Variants in FAM163B observed in about 807,000 individuals in gnomAD.
FAM163B encodes the protein family with sequence similarity 163 member B, also known as protein FAM163B.
In FAM163B, 4 loss-of-function variants were observed where a neutral mutation model predicts 7.6. The ratio of observed to expected loss-of-function variants is 0.52; its 90% confidence interval spans 0.26 to 1.20. FAM163B has a LOEUF of 1.20. Ranked by LOEUF, FAM163B falls within the 50% of genes most tolerant of loss-of-function variation. The pLI, the probability that FAM163B is intolerant of heterozygous loss-of-function variation, is 0.14. For missense variants in FAM163B, 250 were observed against 243.0 expected, an observed-to-expected ratio of 1.03 and a Z score of -0.19; for synonymous variants, 120 against 111.6, an observed-to-expected ratio of 1.07 and a Z score of -0.47.
intron 1 of FAM163B, among the ~76,000 whole-genome samples, chr9:133,594,713 T>TC (rs1831605433): frequency 6.6e-6 from 1 of 152,112 alleles, no homozygotes; most frequent in African/African-American, 2.4e-5. Context: ...ACTGGTGATT[T>TC]CGGGAGTGCA....
At position 133,603,008 on chromosome 9, in the gene FAM163B, A is replaced by AG. The variant is rs1406304675; in HGVS notation, c.-24+6068dup. ...CTGAGTCTGCTGGACTCCAGGGCGG[A>AG]GGGGGGGCCAGCCCAAGAGGTTGGC... On this transcript the variant is annotated intron_variant, in intron 1 of 2. Coordinates refer to ENST00000673969, the MANE Select transcript of FAM163B (RefSeq NM_001080515.3). Among the ~76,000 whole-genome samples, 13 of 152,182 alleles carry AG rather than the reference A, an allele frequency of 8.5e-5. No individual in the cohort carries two copies. The South Asian group carries it at 1.7e-3, about 19-fold the overall frequency.
intron 1 of FAM163B, among the ~76,000 whole-genome samples, chr9:133,607,605 G>A (rs961201590): frequency 3.9e-5 from 6 of 152,162 alleles, no homozygotes; most frequent in African/African-American, 1.4e-4. Flanking sequence ...CAGATCCTTC[G>A]GGAGCCATTT....
Position 133,601,644 on chromosome 9 carries a change from C to T in FAM163B, c.-24+7433G>A, listed in dbSNP as rs569383640. 3.9e-5 allele frequency among the ~76,000 whole-genome samples: 6 copies of T among 152,342 alleles called. No individual in the cohort carries two copies. The highest frequency in any genetic ancestry group is 8.8e-5 in the Non-Finnish European group (6 of 68,034). ...CCCATTTCTGGAACACTGCAAGTCC[C>T]TTCTTCCCTGAGGATGTTTTGCTGG... On this transcript the variant is annotated intron_variant, in intron 1 of 2. Transcript: ENST00000673969. The surrounding 1 kb of genome is among the most constrained non-coding windows in gnomAD (Gnocchi z 4.1).
At chr9:133,583,624 G>T (rs1307419727) in intron 1 of FAM163B, among the ~76,000 whole-genome samples, 1 of 152,160 alleles carries the variant, frequency 6.6e-6, no homozygotes, top group Non-Finnish European at 1.5e-5. Context: ...CCCGCTCGCC[G>T]CAAAGCTCTC....
chr9:133,606,784 G>A lies in FAM163B; in HGVS notation c.-24+2293C>T, dbSNP rs1293207186. 6.6e-6 allele frequency among the ~76,000 whole-genome samples: 1 copy of A among 152,188 alleles called. No individual in the cohort carries two copies. Reference sequence around the variant, plus strand: ...TCCCCTCCTGCCCCGAGAGTTTAGAGTCAGAGGTAATTGACTGAGATGTAA... The same window carrying A: ...TCCCCTCCTGCCCCGAGAGTTTAGAATCAGAGGTAATTGACTGAGATGTAA... On this transcript the variant is annotated intron_variant, in intron 1 of 2. Transcript: ENST00000673969. This position sits in a 1 kb window ranked among gnomAD's most constrained non-coding sequence, Gnocchi z 4.0.
At chr9:133,589,623 A>G (rs946911101) in intron 1 of FAM163B, among the ~76,000 whole-genome samples, 1 of 148,094 alleles carries the variant, frequency 6.8e-6, no homozygotes, top group African/African-American at 2.4e-5. Context: ...GGGGCGACAC[A>G]GCGCGCACAC....
At chr9:133,584,128 C>T (rs1224105739) in intron 1 of FAM163B, among the ~76,000 whole-genome samples, 1 of 152,078 alleles carries the variant, frequency 6.6e-6, no homozygotes, top group East Asian at 1.9e-4. Context: ...CTTTAATACA[C>T]ACCACAGAAC....
At position 133,579,153 on chromosome 9, in the gene FAM163B, T is replaced by C. The variant is rs1249660958; in HGVS notation, c.370A>G (p.Lys124Glu). 1.1e-5 allele frequency: 17 copies of C among 1,610,374 alleles called. No individual in the cohort carries two copies. In the East Asian group the frequency reaches 3.8e-4, roughly 36 times the overall value. ...VLNGGERVLY[K>E]SVSQEDVELP... is the part of the protein sequence containing the mutation. Reference sequence around the variant, plus strand: ...TCCACGTCCTCCTGGCTCACGCTCTTGTAGAGCACGCGCTCCCCGCCGTTC... The same window carrying C: ...TCCACGTCCTCCTGGCTCACGCTCTCGTAGAGCACGCGCTCCCCGCCGTTC... The change falls in exon 3 of 3, where the codon AAG (lysine) becomes GAG (glutamate). Residue 124 changes from lysine (K) to glutamate (E), a missense_variant. Coordinates refer to ENST00000673969, the MANE Select transcript of FAM163B (RefSeq NM_001080515.3).
At chr9:133,585,157 A>C (rs1015950781) in intron 1 of FAM163B, among the ~76,000 whole-genome samples, 1 of 152,190 alleles carries the variant, frequency 6.6e-6, no homozygotes, top group Non-Finnish European at 1.5e-5. Flanking sequence ...AGGGAGAGCC[A>C]GCTGCGTTTA....
chr9:133,607,755 G>T (rs141294521), intron 1 of FAM163B, among the ~76,000 whole-genome samples: 7 of 152,302 alleles, frequency 4.6e-5, no homozygotes, highest in African/African-American at 1.7e-4. Flanking sequence ...TCAACAAACT[G>T]CCAGCAAGTG....
chr9:133,595,775 G>T (rs1446811787), intron 1 of FAM163B, among the ~76,000 whole-genome samples: 2 of 152,084 alleles, frequency 1.3e-5, no homozygotes, highest in South Asian at 2.1e-4. Context: ...TAACCTGCCT[G>T]GTTTGTACCT....
intron 1 of FAM163B, 111 bp from the exon 2 acceptor site, chr9:133,580,357 A>T: frequency 1.2e-6 from 1 of 830,496 alleles, no homozygotes; most frequent in Admixed American, 2.1e-5. Flanking sequence ...GCACCCCAGG[A>T]TGTGCCTGTG....
chr9:133,589,666 T>C (rs1831506944), intron 1 of FAM163B, among the ~76,000 whole-genome samples: 2 of 151,902 alleles, frequency 1.3e-5, no homozygotes, highest in South Asian at 4.2e-4. Context: ...CTGATTTCAA[T>C]GCAGTGGGGG....
At chr9:133,607,186 G>T (rs879586483) in intron 1 of FAM163B, among the ~76,000 whole-genome samples, 2 of 152,240 alleles carry the variant, frequency 1.3e-5, no homozygotes, top group Admixed American at 6.5e-5. Context: ...TGGCTCAGAG[G>T]GGGGACATGA....
intron 1 of FAM163B, among the ~76,000 whole-genome samples, chr9:133,587,581 G>C (rs376771723): frequency 6.6e-6 from 1 of 152,198 alleles, no homozygotes; most frequent in Non-Finnish European, 1.5e-5. Context: ...AGTGGGCAGG[G>C]TCTAGCCTTC....
chr9:133,577,290 AC>A lies in FAM163B; in HGVS notation c.*1731del, dbSNP rs1287630860. ...CCCTCATCCCCACCCCACCCAGCCC[AC>A]CCCCCACGCCAACGCATCAGAAACA... On this transcript the variant is annotated 3_prime_UTR_variant, in exon 3 of 3. Coordinates refer to ENST00000673969, the MANE Select transcript of FAM163B (RefSeq NM_001080515.3). Among the ~76,000 whole-genome samples the A allele has an allele frequency of 2.0e-5, 1 of 49,428 alleles. No individual in the cohort carries two copies. The highest frequency in any genetic ancestry group is 7.5e-5 in the African/African-American group (1 of 13,348). The allele number at this position is 49,428 out of a possible 152,430, so 32.4% of individuals were successfully genotyped here. A position where few individuals can be genotyped will look rare whatever the true frequency, so the allele number is the denominator to read the frequency against.
At chr9:133,607,520 C>G (rs759022489) in intron 1 of FAM163B, among the ~76,000 whole-genome samples, 1 of 152,152 alleles carries the variant, frequency 6.6e-6, no homozygotes, top group Admixed American at 6.5e-5. Flanking sequence ...AGCAATGCAC[C>G]CTGGAGCTCC....
Position 133,578,862 on chromosome 9 carries a change from G to A in FAM163B, c.*160C>T, listed in dbSNP as rs62575364. Reference sequence around the variant, plus strand: ...GTTCAATGAGCCTTATCCCTGCCACGAGCCTGGGGGCTCCCCAAGCCTGGG... The same window carrying A: ...GTTCAATGAGCCTTATCCCTGCCACAAGCCTGGGGGCTCCCCAAGCCTGGG... On this transcript the variant is annotated 3_prime_UTR_variant, in exon 3 of 3. Transcript: ENST00000673969. The A allele has an allele frequency of 0.024, 32,332 of 1,348,478 alleles. 486 individuals carry two copies. Among genetic ancestry groups the A allele is most frequent in the Middle Eastern group, 0.068 (253 of 3,710 alleles). The allele number at this position is 1,348,478 out of a possible 1,614,324, so 83.5% of individuals were successfully genotyped here. A position where few individuals can be genotyped will look rare whatever the true frequency, so the allele number is the denominator to read the frequency against.
intron 1 of FAM163B, among the ~76,000 whole-genome samples, chr9:133,590,075 TCCCCTTCCCCTTC>T (rs1564193465): frequency 2.9e-4 from 7 of 24,504 alleles, no homozygotes; most frequent in Non-Finnish European, 4.0e-4. Flanking sequence ...CCCCTTCCCT[TCCCCTTCCCCTTC>T]CCTTCCCCTT....
Sources: allele counts gnomAD v4.1 joint callset (sites outside exome capture counted in the v4.1 genomes callset), GRCh38; gene constraint gnomAD v4.1.1; non-coding constraint Gnocchi (gnomAD v3.1); transcripts MANE v1.5; gene names NCBI Gene and HGNC (gene_info 2026-07-23, HGNC 2026-07-21).